Variants in BPTF observed in about 807,000 individuals in gnomAD.
BPTF encodes the protein nucleosome-remodeling factor subunit BPTF.
Under a neutral mutation model 292.5 loss-of-function variants are expected in BPTF, and 18 were observed. The ratio of observed to expected loss-of-function variants is 0.06; its 90% CI spans 0.04 to 0.09. The LOEUF (loss-of-function observed/expected upper bound fraction) is 0.09, where lower values mean the gene tolerates loss of function less well. Among genes scored for constraint, BPTF ranks in the 10% least tolerant of loss-of-function variants. The pLI is 1.00. For synonymous variants in BPTF, 1,225 were observed against 1,251.9 expected, an observed-to-expected ratio of 0.98 and a Z score of 0.45; for missense variants, 2,726 against 3,498.7, an observed-to-expected ratio of 0.78 and a Z score of 5.57.
chr17:67,877,613 A>G (rs1271930847), intron 4 of BPTF, among the ~76,000 whole-genome samples: 1 of 150,358 alleles, frequency 6.7e-6, no homozygotes, highest in Non-Finnish European at 1.5e-5. Flanking sequence ...GGATGTTAAG[A>G]TATTTTTGGT....
At chr17:67,975,507 G>C (rs953111747) in intron 26 of BPTF, 1 of 320,014 alleles carries the variant, frequency 3.1e-6, no homozygotes, top group Non-Finnish European at 5.7e-6. Flanking sequence ...CAAACCATTT[G>C]AATGAAGAAC....
rs757381957 is a variant in BPTF at position 67,852,024 on chromosome 17, A to T, written c.614-1916A>T. Among the ~76,000 whole-genome samples, 28 of 152,100 alleles carry T rather than the reference A, an allele frequency of 1.8e-4. 1 individual carries two copies. The highest frequency in any genetic ancestry group is 4.0e-4 in the Non-Finnish European group (27 of 68,028). ...GTGTAATGCTCAGTGGCATATTCTA[A>T]ATACACTTCTGTGAAGAAGTGAAAT... On this transcript the variant is annotated intron_variant, in intron 1 of 27. Transcript: ENST00000306378.
At chr17:67,888,423 C>T (rs1225476100) in intron 4 of BPTF, among the ~76,000 whole-genome samples, 1 of 151,790 alleles carries the variant, frequency 6.6e-6, no homozygotes, top group African/African-American at 2.4e-5. Flanking sequence ...CCTGTCTCTA[C>T]TAAAAATACA....
chr17:67,974,326 G>T (rs577593033), intron 26 of BPTF: 1 of 151,756 alleles, frequency 6.6e-6, no homozygotes, highest in African/African-American at 2.4e-5. Context: ...GTGCTCTCAC[G>T]CTACGGTCAA....
chr17:67,895,784 T>C (rs2061401390), intron 7 of BPTF, among the ~76,000 whole-genome samples: 1 of 152,164 alleles, frequency 6.6e-6, no homozygotes, highest in Non-Finnish European at 1.5e-5. Flanking sequence ...CAGTGGTTGC[T>C]ATAACCATTT....
At position 67,953,459 on chromosome 17, in the gene BPTF, T is replaced by C. The variant is rs547746458; in HGVS notation, c.7926+5153T>C. On this transcript the variant is annotated intron_variant, in intron 23 of 27. Transcript: ENST00000306378. ...TTTTTGAAGAGATAGGGTTTTGCCA[T>C]GTTGGCCAGCCTGATTTCAAACCCC... 2.2e-4 allele frequency among the ~76,000 whole-genome samples: 33 copies of C among 149,884 alleles called. No individual in the cohort carries two copies. In the South Asian group the frequency reaches 6.8e-3, roughly 31 times the overall value.
Position 67,943,462 on chromosome 17 carries a change from G to A in BPTF, c.6478-688G>A, listed in dbSNP as rs182301537. On this transcript the variant is annotated intron_variant, in intron 19 of 27. Coordinates refer to ENST00000306378, the MANE Select transcript of BPTF (RefSeq NM_182641.4). ...TTCTGGACAGAAGAGAGAGCGCCTA[G>A]AGAATTTTAAATTTCTGGACCCCTT... 1.9e-3 allele frequency among the ~76,000 whole-genome samples: 285 copies of A among 152,228 alleles called. 5 individuals carry two copies. Among genetic ancestry groups the A allele is most frequent in the African/African-American group, 6.3e-3 (260 of 41,520 alleles).
chr17:67,908,342 A>G (rs2062379176), intron 9 of BPTF, among the ~76,000 whole-genome samples: 1 of 151,996 alleles, frequency 6.6e-6, no homozygotes, highest in Admixed American at 6.6e-5. Context: ...TATTTTTAGT[A>G]GAGATGGGGT....
chr17:67,937,907 G>T (rs953403875), intron 18 of BPTF, among the ~76,000 whole-genome samples: 2 of 152,218 alleles, frequency 1.3e-5, no homozygotes, highest in Non-Finnish European at 2.9e-5. Context: ...CTGTGGTCAG[G>T]AGTTCAAGAC....
chr17:67,827,987 A>C (rs1465839018), intron 1 of BPTF, among the ~76,000 whole-genome samples: 1 of 144,130 alleles, frequency 6.9e-6, no homozygotes, highest in Non-Finnish European at 1.5e-5. Flanking sequence ...GCTGGAGTGC[A>C]GTGTCCTGAT....
At chr17:67,904,262 T>C (rs933090191) in intron 8 of BPTF, among the ~76,000 whole-genome samples, 1 of 152,172 alleles carries the variant, frequency 6.6e-6, no homozygotes, top group Admixed American at 6.5e-5. Context: ...ACTCCTGACC[T>C]CAGGTGATCC....
chr17:67,864,982 A>G (rs1250846773), intron 2 of BPTF, among the ~76,000 whole-genome samples: 2 of 151,526 alleles, frequency 1.3e-5, no homozygotes, highest in Non-Finnish European at 2.9e-5. Context: ...TTTTTTTTGT[A>G]TTTTTAGTAG....
chr17:67,978,578 T>C (rs1432202129), intron 27 of BPTF, among the ~76,000 whole-genome samples: 1 of 152,100 alleles, frequency 6.6e-6, no homozygotes, highest in East Asian at 1.9e-4. Context: ...ATTACAGATG[T>C]GAGCCACCGT....
chr17:67,833,880 G>A (rs2056922970), intron 1 of BPTF, among the ~76,000 whole-genome samples: 1 of 152,160 alleles, frequency 6.6e-6, no homozygotes, highest in East Asian at 1.9e-4. Context: ...AAGTAATTCA[G>A]GAGTTAGAAT....
intron 4 of BPTF, among the ~76,000 whole-genome samples, chr17:67,891,004 A>C (rs2061071510): frequency 6.6e-6 from 1 of 152,138 alleles, no homozygotes; most frequent in South Asian, 2.1e-4. Context: ...CAATATGGCG[A>C]AACCCCATCT....
chr17:67,964,791 G>T (rs1321891448), intron 25 of BPTF, among the ~76,000 whole-genome samples: 1 of 150,736 alleles, frequency 6.6e-6, no homozygotes, highest in Non-Finnish European at 1.5e-5. Flanking sequence ...ACAAGGTCAG[G>T]AGATCAGACC....
At chr17:67,867,932 G>A (rs1843628887) in intron 3 of BPTF, among the ~76,000 whole-genome samples, 1 of 152,104 alleles carries the variant, frequency 6.6e-6, no homozygotes, top group South Asian at 2.1e-4. Flanking sequence ...ACTATAAACA[G>A]CCACACTTAG....
intron 4 of BPTF, among the ~76,000 whole-genome samples, chr17:67,880,789 C>CT (rs796685157): frequency 1.2e-4 from 18 of 149,930 alleles, no homozygotes; most frequent in Admixed American, 3.3e-4. Flanking sequence ...GGCTAATTAT[C>CT]TTTTTTTTTT....
rs138779341 is a variant in BPTF at position 67,912,666 on chromosome 17, A to T, written c.4782A>T (p.Thr1594=). ...CAGAAGTCACCACGATGACCTCCAC[A>T]GTGGCCACAGAATCAAAAACTGTGA... ...VITEVTTMTS[T]VATESKTVIK... The change falls in exon 11 of 28, where the codon ACA becomes ACT. Residue 1594 remains threonine (T), a synonymous_variant. Transcript: ENST00000306378. The T allele has an allele frequency of 6.2e-7, 1 of 1,614,070 alleles. No individual in the cohort carries two copies. Among genetic ancestry groups the T allele is most frequent in the Non-Finnish European group, 8.5e-7 (1 of 1,180,008 alleles).
Sources: gnomAD v4.1 joint callset for allele counts (sites outside exome capture counted in the v4.1 genomes callset) on GRCh38, gnomAD v4.1.1 for gene constraint, MANE v1.5 for transcripts, NCBI Gene and HGNC (gene_info 2026-07-23, HGNC 2026-07-21) for gene names.